TMEM183A: variants seen among roughly 807,000 people sequenced by gnomAD.
The protein encoded by TMEM183A is chromosome 1 open reading frame 37.
Under a neutral mutation model 46.7 loss-of-function variants are expected in TMEM183A, and 21 were observed. The observed-to-expected ratio is 0.45, with a 90% confidence interval of 0.32 to 0.65. The LOEUF is 0.65. Among genes scored for constraint, TMEM183A ranks in the 30% least tolerant of loss-of-function variants. The pLI, the probability that TMEM183A is intolerant of heterozygous loss-of-function variation, is 0.04. For synonymous variants in TMEM183A, 165 were observed against 180.2 expected (o/e 0.92, Z 0.68); for missense variants, 331 against 481.9 (o/e 0.69, Z 2.93).
chr1:203,019,473 T>C (rs1218675112), intron 6 of TMEM183A, among the ~76,000 whole-genome samples: 3 of 152,176 alleles, frequency 2.0e-5, no homozygotes, highest in African/African-American at 2.4e-5. Flanking sequence ...AATGATAATG[T>C]GGTTATATGT....
chr1:203,008,386 A>C (rs1192474661), intron 2 of TMEM183A, among the ~76,000 whole-genome samples: 1 of 150,068 alleles, frequency 6.7e-6, no homozygotes, highest in Non-Finnish European at 1.5e-5. Flanking sequence ...AATTGTACAC[A>C]CCTTTTTTCT....
At chr1:203,014,259 A>T (rs924137098) in intron 3 of TMEM183A, among the ~76,000 whole-genome samples, 5 of 152,190 alleles carry the variant, frequency 3.3e-5, no homozygotes, top group African/African-American at 1.2e-4. Flanking sequence ...TATTCCATTG[A>T]AGAATTATTA....
chr1:203,017,767 G>A (rs765997943), intron 5 of TMEM183A: 3 of 985,804 alleles, frequency 3.0e-6, no homozygotes, highest in Non-Finnish European at 3.6e-6. Context: ...AGCATAGCTT[G>A]TGTGGGACAC....
chr1:203,016,133 A>T lies in TMEM183A; in HGVS notation c.701A>T (p.Asn234Ile). The change falls in exon 5 of 8, where the codon AAT becomes ATT. Residue 234 changes from asparagine to isoleucine, a missense_variant. By Grantham distance (149) the Asn-to-Ile change is moderately radical. Around this residue, in one of 2 missense-constraint regions of TMEM183A, gnomAD observed 233 missense variants for 385.8 expected, o/e 0.60. Transcript: ENST00000367242. ...GAAAGCACCCCCAGCACATTAAAGA[A>T]TTCCAAAGTAAGTGAGAATTTGTGT... ...IPESTPSTLK[N>I]SKCLLFWCRK... is the part of the protein sequence containing the mutation. 1.9e-6 allele frequency: 3 copies of T among 1,614,234 alleles called. No individual in the cohort carries two copies. The highest frequency in any genetic ancestry group is 2.5e-6 in the Non-Finnish European group (3 of 1,180,034).
In TMEM183A at chr1:203,013,882, C is replaced by T. The variant is rs1259069497; in HGVS notation, c.368-1007C>T. 4.6e-5 allele frequency among the ~76,000 whole-genome samples: 7 copies of T among 151,272 alleles called. No homozygotes were observed. The highest frequency in any genetic ancestry group is 7.3e-5 in the African/African-American group (3 of 41,154). Reference sequence around the variant, plus strand: ...GCGATTCTCCTGCCTCAGCCTCCCACGTAGCTGGATTACAGGCACGTGCCA... The same window carrying T: ...GCGATTCTCCTGCCTCAGCCTCCCATGTAGCTGGATTACAGGCACGTGCCA... On this transcript the variant is annotated intron_variant, in intron 3 of 7. Transcript: ENST00000367242. The surrounding 1 kb of genome is among the most constrained non-coding windows in gnomAD (Gnocchi z 4.0).
intron 3 of TMEM183A, among the ~76,000 whole-genome samples, chr1:203,012,995 C>T (rs1160501861): frequency 1.3e-5 from 2 of 152,224 alleles, no homozygotes; most frequent in Non-Finnish European, 2.9e-5. Flanking sequence ...GTTGAGATTA[C>T]AGGCATGAGC....
intron 5 of TMEM183A, among the ~76,000 whole-genome samples, chr1:203,017,527 T>A (rs1657281867): frequency 6.6e-6 from 1 of 152,218 alleles, no homozygotes; most frequent in African/African-American, 2.4e-5. Flanking sequence ...ACTAAGGTCT[T>A]AATCCAGATA....
Position 203,023,182 on chromosome 1 carries a change from A to G in TMEM183A, c.*142A>G, listed in dbSNP as rs988473705. 4 of 496,178 alleles carry G rather than the reference A, an allele frequency of 8.1e-6. No individual in the cohort carries two copies. Among genetic ancestry groups the G allele is most frequent in the African/African-American group, 7.8e-5 (4 of 51,332 alleles). The allele number at this position is 496,178 out of a possible 1,614,324, so 30.7% of individuals were successfully genotyped here. Reference sequence around the variant, plus strand: ...TTCTAGGGCTCCTGTTAGGGGAGGGAGAAATGTTGAATCAAGAGGGAAAAC... The same window carrying G: ...TTCTAGGGCTCCTGTTAGGGGAGGGGGAAATGTTGAATCAAGAGGGAAAAC... On this transcript the variant is annotated 3_prime_UTR_variant, in exon 8 of 8. Transcript: ENST00000367242.
intron 3 of TMEM183A, among the ~76,000 whole-genome samples, chr1:203,012,554 A>G (rs1485662380): frequency 6.6e-6 from 1 of 152,130 alleles, no homozygotes; most frequent in African/African-American, 2.4e-5. Flanking sequence ...TGAAGCTTTC[A>G]TTTACTGATT....
In TMEM183A at chr1:203,024,367, A is replaced by G. The variant is rs555122085; in HGVS notation, c.*1327A>G. The G allele has an allele frequency of 6.6e-6, 1 of 152,112 alleles. No homozygotes were observed. The highest frequency in any genetic ancestry group is 2.4e-5 in the African/African-American group (1 of 41,456). 9.4% of individuals were successfully genotyped at this position (152,112 alleles called of 1,614,324 possible). ...CTGCTTGTCTCTCCTCCCACCCTCC[A>G]CCATCCAAAATTAACCAGTGAGCTG... On this transcript the variant is annotated 3_prime_UTR_variant, in exon 8 of 8. Coordinates refer to ENST00000367242, the MANE Select transcript of TMEM183A (RefSeq NM_138391.6).
In TMEM183A at chr1:203,022,883, G is replaced by A. The variant is rs371796779; in HGVS notation, c.974G>A (p.Arg325Gln). 4.3e-6 allele frequency: 7 copies of A among 1,613,472 alleles called. No individual in the cohort carries two copies. Among genetic ancestry groups the A allele is most frequent in the African/African-American group, 4.0e-5 (3 of 74,750 alleles). ...LFTINVSTDM[R>Q]HHRVRLVFQD... is the part of the protein sequence containing the mutation. The stretch of plus-strand genomic sequence containing the variant: ...ACTATCAATGTGAGCACGGACATGC[G>A]GCATCATCGAGTGAGACTGGTGTTC... The change falls in exon 8 of 8, where the codon CGG (arginine) becomes CAG (glutamine). Residue 325 changes from arginine (R) to glutamine (Q), a missense_variant. Transcript: ENST00000367242.
At position 203,024,103 on chromosome 1, in the gene TMEM183A, A is replaced by G. The variant is rs1256976789; in HGVS notation, c.*1063A>G. ...GTTAGAAGGGCATTTATTAGGCTAAAACGTCATTAACAAAATGCATTGCAT... is the reference window on the plus strand; with the variant it reads ...GTTAGAAGGGCATTTATTAGGCTAAGACGTCATTAACAAAATGCATTGCAT... On this transcript the variant is annotated 3_prime_UTR_variant, in exon 8 of 8. Coordinates refer to ENST00000367242, the MANE Select transcript of TMEM183A (RefSeq NM_138391.6). 1.3e-5 allele frequency: 2 copies of G among 152,220 alleles called. No individual in the cohort carries two copies. Among genetic ancestry groups the G allele is most frequent in the African/African-American group, 2.4e-5 (1 of 41,448 alleles). The allele number at this position is 152,220 out of a possible 1,614,324, so 9.4% of individuals were successfully genotyped here.
rs1553248155 is a variant in TMEM183A at position 203,007,405 on chromosome 1, T to A, written c.-61T>A. ...AGAGTTAGCGGCCTCCGGTGTGGGA[T>A]GGCCGCGGAGCCGGGCGGAGCTGGC... On this transcript the variant is annotated 5_prime_UTR_variant, in exon 1 of 8. The change abolishes an upstream ATG in the 5' untranslated region. Transcript: ENST00000367242. The A allele has an allele frequency of 3.8e-6, 5 of 1,332,812 alleles. No homozygotes were observed. The highest frequency in any genetic ancestry group is 4.8e-6 in the Non-Finnish European group (5 of 1,039,502). The allele number at this position is 1,332,812 out of a possible 1,614,324, so 82.6% of individuals were successfully genotyped here.
At chr1:203,020,673 G>T in intron 6 of TMEM183A, 120 bp from the exon 7 acceptor site, 1 of 1,244,684 alleles carries the variant, frequency 8.0e-7, no homozygotes, top group Non-Finnish European at 1.1e-6. Flanking sequence ...CATGTATAAA[G>T]AGAGAAGATA....
At chr1:203,012,880 C>T (rs149612965) in intron 3 of TMEM183A, among the ~76,000 whole-genome samples, 2 of 152,148 alleles carry the variant, frequency 1.3e-5, no homozygotes, top group Non-Finnish European at 2.9e-5. Context: ...CAGGCATGCA[C>T]CACCATGGCT....
intron 1 of TMEM183A, 71 bp downstream of exon 1, chr1:203,007,645 A>T (rs1370800581): frequency 2.2e-5 from 34 of 1,530,138 alleles, no homozygotes; most frequent in Non-Finnish European, 3.0e-5. Context: ...GACCGTGCCG[A>T]GGTGAGCGCT....
intron 6 of TMEM183A, 38 bp downstream of exon 6, chr1:203,018,599 GTT>G: frequency 6.3e-7 from 1 of 1,590,520 alleles, no homozygotes; most frequent in Non-Finnish European, 8.6e-7. Context: ...ATAATACCTT[GTT>G]CTAAGAGATT....
intron 3 of TMEM183A, among the ~76,000 whole-genome samples, chr1:203,012,366 A>G (rs1656741611): frequency 6.6e-6 from 1 of 152,084 alleles, no homozygotes; most frequent in South Asian, 2.1e-4. Context: ...ATCACATCTA[A>G]AAGACTTTAA....
intron 6 of TMEM183A, among the ~76,000 whole-genome samples, chr1:203,019,285 AAAGGT>A (rs776080486): frequency 2.2e-4 from 34 of 152,218 alleles, no homozygotes; most frequent in Admixed American, 3.9e-4. Context: ...CATGAAAACA[AAAGGT>A]AAGAGGAACT....
Sources: gnomAD v4.1 joint callset for allele counts (sites outside exome capture counted in the v4.1 genomes callset) on GRCh38, gnomAD v4.1.1 for gene constraint, gnomAD v4.1.1 regional missense constraint, Gnocchi (gnomAD v3.1) non-coding constraint, MANE v1.5 for transcripts, NCBI Gene and HGNC (gene_info 2026-07-23, HGNC 2026-07-21) for gene names.